Variants in EYA4 observed in about 807,000 individuals in gnomAD.
EYA4 encodes the protein protein phosphatase EYA4.
EYA4 carries 31 observed loss-of-function variants against 87.9 expected under a neutral mutation model. The observed-to-expected ratio is 0.35, with a 90% CI of 0.27 to 0.48. The LOEUF is 0.48. Among genes scored for constraint, EYA4 ranks in the 20% least tolerant of loss-of-function variants. The pLI is 0.99. For synonymous variants in EYA4, 263 were observed against 270.6 expected, an observed-to-expected ratio of 0.97 and a Z score of 0.28; for missense variants, 678 against 761.4, an observed-to-expected ratio of 0.89 and a Z score of 1.29.
At chr6:133,314,701 C>T (rs759625879) in intron 2 of EYA4, among the ~76,000 whole-genome samples, 18 of 152,114 alleles carry the variant, frequency 1.2e-4, no homozygotes, top group Non-Finnish European at 2.5e-4. Context: ...ATGTTACAAC[C>T]ATAAAAATAA....
At chr6:133,423,259 A>G (rs1790376301) in intron 3 of EYA4, among the ~76,000 whole-genome samples, 1 of 152,224 alleles carries the variant, frequency 6.6e-6, no homozygotes, top group Non-Finnish European at 1.5e-5. Flanking sequence ...CAAAATACAC[A>G]AAAATATATG....
chr6:133,295,707 A>G (rs776265644), intron 2 of EYA4, among the ~76,000 whole-genome samples: 18 of 152,342 alleles, frequency 1.2e-4, no homozygotes, highest in South Asian at 4.1e-4. Context: ...TATAGAAATT[A>G]GCAAACATGA....
intron 3 of EYA4, 129 bp from the exon 4 acceptor site, chr6:133,446,501 T>G (rs569965434): frequency 1.0e-6 from 1 of 1,004,748 alleles, no homozygotes; most frequent in East Asian, 2.6e-5. Context: ...TTCATCTGGT[T>G]GACTAAGTCT....
intron 13 of EYA4, among the ~76,000 whole-genome samples, chr6:133,487,995 G>A (rs955119704): frequency 1.4e-4 from 22 of 152,246 alleles, no homozygotes; most frequent in Middle Eastern, 3.4e-3. Context: ...AGGTCAGAGG[G>A]GTGCCCACTG....
intron 7 of EYA4, 87 bp from the exon 8 acceptor site, chr6:133,462,248 G>A (rs947827649): frequency 1.5e-6 from 2 of 1,372,676 alleles, no homozygotes; most frequent in African/African-American, 1.4e-5. Context: ...TTACTTCCTG[G>A]ATATTATAGG....
chr6:133,284,496 G>A (rs1051351241), intron 2 of EYA4, among the ~76,000 whole-genome samples: 4 of 152,120 alleles, frequency 2.6e-5, no homozygotes, highest in African/African-American at 9.7e-5. Flanking sequence ...ATTTTAACAG[G>A]CAGTCATAAG....
At position 133,531,435 on chromosome 6, in the gene EYA4, A is replaced by G; in HGVS notation, c.*2630A>G. 1.8e-6 allele frequency: 1 copy of G among 542,274 alleles called. No individual in the cohort carries two copies. Among genetic ancestry groups the G allele is most frequent in the Non-Finnish European group, 3.3e-6 (1 of 305,516 alleles). The allele number at this position is 542,274 out of a possible 1,614,324, so 33.6% of individuals were successfully genotyped here. A position where few individuals can be genotyped will look rare whatever the true frequency, so the allele number is the denominator to read the frequency against. On this transcript the variant is annotated 3_prime_UTR_variant, in exon 20 of 20. Coordinates refer to ENST00000355286, the MANE Select transcript of EYA4 (RefSeq NM_004100.5). The stretch of plus-strand genomic sequence containing the variant: ...CAAAACCAACCCCTTGGCAGTTCCC[A>G]CCTCCTATTGACATATGGAATATTG...
At chr6:133,349,961 C>T (rs1337886692) in intron 2 of EYA4, among the ~76,000 whole-genome samples, 2 of 152,020 alleles carry the variant, frequency 1.3e-5, no homozygotes, top group East Asian at 3.8e-4. Context: ...CAAACTTTAC[C>T]TGGTTTAAAA....
intron 1 of EYA4, among the ~76,000 whole-genome samples, chr6:133,260,485 G>A (rs772196782): frequency 5.3e-5 from 8 of 152,156 alleles, no homozygotes; most frequent in Admixed American, 1.3e-4. Context: ...TGATCTGCCT[G>A]CCTGAGCCTC....
At chr6:133,301,380 T>C (rs1051839925) in intron 2 of EYA4, among the ~76,000 whole-genome samples, 1 of 152,210 alleles carries the variant, frequency 6.6e-6, no homozygotes, top group Non-Finnish European at 1.5e-5. Context: ...GTGTACATTC[T>C]GAATTTCCAG....
At chr6:133,341,865 T>A (rs1053880209) in intron 2 of EYA4, among the ~76,000 whole-genome samples, 1 of 152,186 alleles carries the variant, frequency 6.6e-6, no homozygotes, top group African/African-American at 2.4e-5. Context: ...TCTTTGAAAT[T>A]TGATTTTCAG....
At chr6:133,379,760 A>G (rs1294116207) in intron 2 of EYA4, among the ~76,000 whole-genome samples, 1 of 152,080 alleles carries the variant, frequency 6.6e-6, no homozygotes, top group Non-Finnish European at 1.5e-5. Flanking sequence ...ATAATGATGT[A>G]CCAGATCAAT....
At chr6:133,499,345 GCTTT>G (rs1208088297) in intron 13 of EYA4, among the ~76,000 whole-genome samples, 1 of 152,122 alleles carries the variant, frequency 6.6e-6, no homozygotes, top group Non-Finnish European at 1.5e-5. Flanking sequence ...TGGGCCCTGT[GCTTT>G]CTAGCCCATC....
At chr6:133,453,941 G>T (rs1266559475) in intron 5 of EYA4, among the ~76,000 whole-genome samples, 1 of 152,008 alleles carries the variant, frequency 6.6e-6, no homozygotes, top group African/African-American at 2.4e-5. Flanking sequence ...CCAGTATAAT[G>T]AATTAGACCA....
chr6:133,371,586 T>C (rs1022625090), intron 2 of EYA4, among the ~76,000 whole-genome samples: 1 of 152,134 alleles, frequency 6.6e-6, no homozygotes, highest in Non-Finnish European at 1.5e-5. Context: ...GAGGCCAATT[T>C]TTTATCTCTA....
rs559601830 is a variant in EYA4, at chr6:133,332,630, G to A, written c.34-49762G>A. On this transcript the variant is annotated intron_variant, in intron 2 of 19. Transcript: ENST00000355286. ...TTTATCTCAGCTAACTGCTACCTCC[G>A]CCTCCCGGGTTCAAGCTATTCCCCT... 3.5e-3 allele frequency among the ~76,000 whole-genome samples: 528 copies of A among 151,584 alleles called. 5 individuals carry two copies. The highest frequency in any genetic ancestry group is 0.011 in the African/African-American group (474 of 41,312).
chr6:133,302,519 A>AC, intron 2 of EYA4, among the ~76,000 whole-genome samples: 1 of 152,334 alleles, frequency 6.6e-6, no homozygotes, highest in South Asian at 2.1e-4. Context: ...TACTCTAGAA[A>AC]CAAAATTGTT....
At chr6:133,252,940 AAAACAC>A (rs1190078917) in intron 1 of EYA4, among the ~76,000 whole-genome samples, 1 of 97,900 alleles carries the variant, frequency 1.0e-5, no homozygotes, top group African/African-American at 4.4e-5. Context: ...GAGGTACTTG[AAAACAC>A]ACACACACAC....
At chr6:133,351,987 A>G (rs1583033918) in intron 2 of EYA4, among the ~76,000 whole-genome samples, 1 of 125,418 alleles carries the variant, frequency 8.0e-6, no homozygotes, top group Non-Finnish European at 1.6e-5. Context: ...GTGTTAAAGA[A>G]AAAAAAAAAA....
Sources: allele counts gnomAD v4.1 joint callset (sites outside exome capture counted in the v4.1 genomes callset), GRCh38; gene constraint gnomAD v4.1.1; transcripts MANE v1.5; gene names NCBI Gene and HGNC (gene_info 2026-07-23, HGNC 2026-07-21).